The following CPS1 variants were observed in gnomAD, a reference collection of about 807,000 sequenced individuals.
The protein encoded by CPS1 is carbamoyl-phosphate synthase [ammonia], mitochondrial.
A neutral mutation model predicts 174.6 loss-of-function variants in CPS1; 109 were observed. That is an observed-to-expected ratio of 0.62 (90% CI 0.53 to 0.73). The LOEUF is 0.73. Among genes scored for constraint, CPS1 ranks in the 30% least tolerant of loss-of-function variants. The probability of loss-of-function intolerance (pLI) is 0.00; values close to 1 mark genes in which losing one functional copy is unlikely to be tolerated. For missense variants in CPS1, 1,689 were observed against 1,821.9 expected (o/e 0.93, Z 1.33); for synonymous variants, 637 against 632.0 (o/e 1.01, Z -0.12).
At chr2:210,581,864 T>C (rs191821920) in intron 5 of CPS1, among the ~76,000 whole-genome samples, 21 of 152,280 alleles carry the variant, frequency 1.4e-4, no homozygotes, top group Admixed American at 3.9e-4. Flanking sequence ...GAAGGGCATA[T>C]CAATGAATTA....
intron 21 of CPS1, among the ~76,000 whole-genome samples, chr2:210,625,074 CA>C (rs1699656221): frequency 6.6e-6 from 1 of 151,752 alleles, no homozygotes; most frequent in Non-Finnish European, 1.5e-5. Flanking sequence ...GGTATTAGAC[CA>C]AATGGTATTT....
intron 1 of CPS1, among the ~76,000 whole-genome samples, chr2:210,478,953 C>CCCTA (rs1694489720): frequency 8.2e-6 from 1 of 122,398 alleles, no homozygotes; most frequent in South Asian, 3.2e-4. Context: ...CTCCCTCCCT[C>CCCTA]CCTGCTTTCC....
chr2:210,603,524 A>G (rs547774965), intron 16 of CPS1, among the ~76,000 whole-genome samples: 6 of 151,856 alleles, frequency 4.0e-5, no homozygotes, highest in Non-Finnish European at 8.8e-5. Context: ...TAGAAAGTTT[A>G]TTTCCTCTAG....
At position 210,654,020 on chromosome 2, in the gene CPS1, G is replaced by T; in HGVS notation, c.3481-5G>T. On this transcript the variant is annotated splice_polypyrimidine_tract_variant and splice_region_variant and intron_variant, in intron 28 of 37. Transcript: ENST00000233072. Reference sequence around the variant, plus strand: ...GTTCGGCTCCTCTGTTTTCCTTCGTGACAGGAGCACCCAGTGGTGCTGACA... The same window carrying T: ...GTTCGGCTCCTCTGTTTTCCTTCGTTACAGGAGCACCCAGTGGTGCTGACA... 2 of 1,613,470 alleles carry T rather than the reference G, an allele frequency of 1.2e-6. No individual in the cohort carries two copies. The highest frequency in any genetic ancestry group is 1.7e-6 in the Non-Finnish European group (2 of 1,179,436).
chr2:210,541,258 T>C (rs77659355), intron 1 of CPS1, among the ~76,000 whole-genome samples: 1,664 of 152,292 alleles, frequency 0.011, 15 homozygotes, highest in Non-Finnish European at 0.016. Context: ...AGTTGTGATA[T>C]TTAAAAGTCT....
intron 6 of CPS1, among the ~76,000 whole-genome samples, chr2:210,585,153 A>G (rs557275839): frequency 3.9e-5 from 6 of 152,148 alleles, no homozygotes; most frequent in Admixed American, 3.3e-4. Flanking sequence ...GGGAGAGGCC[A>G]TGGTTTACTT....
Position 210,650,450 on chromosome 2 carries a change from T to G in CPS1, c.3480+12T>G, listed in dbSNP as rs1233487132. On this transcript the variant is annotated intron_variant, in intron 28 of 37. Coordinates refer to ENST00000233072, the MANE Select transcript of CPS1 (RefSeq NM_001875.5). ...CTAGAGTTTCTCAGGTAGTGTCCAA[T>G]TTCTTTGTAGTGACTGTTATCTCTT... 3.2e-6 allele frequency: 5 copies of G among 1,583,704 alleles called. No individual in the cohort carries two copies. The highest frequency in any genetic ancestry group is 1.3e-5 in the African/African-American group (1 of 74,304).
chr2:210,605,257 T>C lies in CPS1; in HGVS notation c.1981+11T>C. 6.2e-7 allele frequency: 1 copy of C among 1,611,736 alleles called. No individual in the cohort carries two copies. Among genetic ancestry groups the C allele is most frequent in the Admixed American group, 1.7e-5 (1 of 59,832 alleles). On this transcript the variant is annotated intron_variant, in intron 17 of 37. Transcript: ENST00000233072. ...TGGGTGTTCACACAGGTAGGCAAAG[T>C]ATCTTCAAGAACTATAGTAATGCTT...
chr2:210,584,259 TC>T (rs1698029094), intron 6 of CPS1, among the ~76,000 whole-genome samples: 1 of 152,128 alleles, frequency 6.6e-6, no homozygotes, highest in Non-Finnish European at 1.5e-5. Context: ...CTATGTGGCA[TC>T]ACAGCTATTG....
At chr2:210,633,576 A>T (rs1399596380) in intron 21 of CPS1, among the ~76,000 whole-genome samples, 1 of 152,230 alleles carries the variant, frequency 6.6e-6, no homozygotes, top group Non-Finnish European at 1.5e-5. Flanking sequence ...TGCATTGCTG[A>T]ATGTAGACGA....
chr2:210,588,192 C>A, intron 7 of CPS1, 45 bp downstream of exon 7: 1 of 1,522,370 alleles, frequency 6.6e-7, no homozygotes, highest in Non-Finnish European at 9.1e-7. Context: ...GTCATATTGA[C>A]CATTAGTGTT....
In CPS1 at chr2:210,562,380, T is replaced by G. The variant is rs551577093; in HGVS notation, c.126+5521T>G. 2.1e-3 allele frequency among the ~76,000 whole-genome samples: 327 copies of G among 152,336 alleles called. 2 individuals carry two copies. The highest frequency in any genetic ancestry group is 7.5e-3 in the African/African-American group (310 of 41,592). On this transcript the variant is annotated intron_variant, in intron 1 of 37. Coordinates refer to ENST00000233072, the MANE Select transcript of CPS1 (RefSeq NM_001875.5). The stretch of plus-strand genomic sequence containing the variant: ...GCCTAATTGATTACTGCTGTTACAG[T>G]GCTTCAGAATTTTGAAGTGTTAGGC...
chr2:210,657,310 CTT>C (rs555740700), intron 30 of CPS1: 51 of 140,414 alleles, frequency 3.6e-4, no homozygotes, highest in Admixed American at 2.8e-4. Context: ...AACCTATCAT[CTT>C]TTTTTTTTTT....
At chr2:210,667,815 C>T (rs746470972) in intron 33 of CPS1, among the ~76,000 whole-genome samples, 4 of 152,088 alleles carry the variant, frequency 2.6e-5, no homozygotes, top group Non-Finnish European at 2.9e-5. Context: ...TATTAACATT[C>T]GGAAACTTAC....
At chr2:210,512,019 C>T (rs923108665) in intron 1 of CPS1, among the ~76,000 whole-genome samples, 1 of 151,944 alleles carries the variant, frequency 6.6e-6, no homozygotes, top group Non-Finnish European at 1.5e-5. Flanking sequence ...TTCCTTACCA[C>T]CCACAGGCAG....
In CPS1 at chr2:210,650,334, A is replaced by T. The variant is rs3213784; in HGVS notation, c.3405-29A>T. The T allele has an allele frequency of 0.41, 643,852 of 1,580,844 alleles. 133,577 individuals carry two copies. The highest frequency in any genetic ancestry group is 0.5 in the East Asian group (22,374 of 44,640). The stretch of plus-strand genomic sequence containing the variant: ...CAAGTCTAGTATTAGCATAAACCTG[A>T]CCTGCTTTTTTTCCCCTTCCTTTTC... On this transcript the variant is annotated intron_variant, in intron 27 of 37. Transcript: ENST00000233072.
At position 210,606,833 on chromosome 2, in the gene CPS1, G is replaced by A; in HGVS notation, c.2084G>A (p.Gly695Asp). The A allele has an allele frequency of 1.9e-6, 3 of 1,612,622 alleles. No homozygotes were observed. The highest frequency in any genetic ancestry group is 2.5e-6 in the Non-Finnish European group (3 of 1,179,114). ...GTTGTTCGCCACTTGGGCATTGTGG[G>A]TGAATGCAACATTCAGTTTGCCCTT... ...INVVRHLGIV[G>D]ECNIQFALHP... The change falls in exon 18 of 38, where the codon GGT (glycine) becomes GAT (aspartate). Residue 695 changes from glycine (G) to aspartate (D), a missense_variant. Coordinates refer to ENST00000233072, the MANE Select transcript of CPS1 (RefSeq NM_001875.5).
chr2:210,651,594 C>T (rs188954020), intron 28 of CPS1, among the ~76,000 whole-genome samples: 134 of 152,260 alleles, frequency 8.8e-4, no homozygotes, highest in African/African-American at 3.0e-3. Flanking sequence ...CAGGTGTCCC[C>T]TCTTGTCTGC....
intron 11 of CPS1, 25 bp from the exon 12 acceptor site, chr2:210,594,483 A>T (rs775282154): frequency 6.6e-7 from 1 of 1,520,170 alleles, no homozygotes. Flanking sequence ...GAAGCTTCTA[A>T]CTAGTTGGTT....
Sources: gnomAD v4.1 joint callset for allele counts (sites outside exome capture counted in the v4.1 genomes callset) on GRCh38, gnomAD v4.1.1 for gene constraint, MANE v1.5 for transcripts, NCBI Gene and HGNC (gene_info 2026-07-23, HGNC 2026-07-21) for gene names.